The following SLC5A1 variants were observed in gnomAD, a reference collection of about 807,000 sequenced individuals.
SLC5A1 encodes solute carrier family 5 member 1, also known as sodium/glucose cotransporter 1.
In SLC5A1, 42 loss-of-function variants were observed where a neutral mutation model predicts 73.5. The observed-to-expected ratio is 0.57, with a 90% CI of 0.45 to 0.74. SLC5A1 has a LOEUF of 0.74. Ranked by LOEUF, SLC5A1 falls within the 30% of genes least tolerant of loss-of-function variation. The pLI is 0.00. For synonymous variants in SLC5A1, 300 were observed against 317.4 expected (o/e 0.95, Z 0.58); for missense variants, 634 against 855.4 (o/e 0.74, Z 3.23).
At position 32,110,137 on chromosome 22, in the gene SLC5A1, TG is replaced by T; in HGVS notation, c.1920del (p.Leu640PhefsTer6). The T allele has an allele frequency of 6.2e-7, 1 of 1,614,174 alleles. No homozygotes were observed. The highest frequency in any genetic ancestry group is 8.5e-7 in the Non-Finnish European group (1 of 1,180,008). On this transcript the variant is annotated frameshift_variant, in exon 15 of 15. Transcript: ENST00000266088. LOFTEE classifies it high-confidence loss of function. ...MKMTDTSEKP[L>X]WRTVLNVNGI... ...ATGACGGACACCTCTGAGAAGCCTTTGTGGAGGACAGTGTTGAACGTCAATG... is the reference window on the plus strand; with the variant it reads ...ATGACGGACACCTCTGAGAAGCCTTTTGGAGGACAGTGTTGAACGTCAATG...
chr22:32,096,972 C>T (rs931973680), intron 11 of SLC5A1, among the ~76,000 whole-genome samples: 4 of 152,200 alleles, frequency 2.6e-5, no homozygotes, highest in Admixed American at 6.5e-5. Flanking sequence ...TTACTCTGAA[C>T]CATAGAAAGT....
intron 13 of SLC5A1, among the ~76,000 whole-genome samples, chr22:32,102,940 T>G (rs2094039038): frequency 6.6e-6 from 1 of 152,204 alleles, no homozygotes; most frequent in South Asian, 2.1e-4. Flanking sequence ...CTACTGTATA[T>G]TTGTACAATA....
intron 2 of SLC5A1, among the ~76,000 whole-genome samples, chr22:32,051,233 A>G (rs1480895528): frequency 1.3e-5 from 2 of 152,214 alleles, no homozygotes; most frequent in Non-Finnish European, 2.9e-5. Flanking sequence ...CTGCACAAGG[A>G]GCCACAGGAT....
intron 12 of SLC5A1, among the ~76,000 whole-genome samples, chr22:32,101,152 G>A (rs2094035619): frequency 6.6e-6 from 1 of 152,122 alleles, no homozygotes; most frequent in Admixed American, 6.6e-5. Flanking sequence ...GAAAGTGCAG[G>A]GATACCAATG....
rs779502629 is a variant in SLC5A1, at chr22:32,084,573, C to T, written c.799C>T (p.Arg267Ter). 2.5e-5 allele frequency: 41 copies of T among 1,614,124 alleles called. No individual in the cohort carries two copies. The highest frequency in any genetic ancestry group is 2.9e-5 in the Non-Finnish European group (34 of 1,180,042). The change falls in exon 8 of 15, where the codon CGA becomes TGA. Residue 267 changes from arginine to a stop codon, truncating the protein, a stop_gained. Coordinates refer to ENST00000266088, the MANE Select transcript of SLC5A1 (RefSeq NM_000343.4). LOFTEE classifies it high-confidence loss of function. Reference sequence around the variant, plus strand: ...AAGGGCCGACTCCTTCCACATCTTCCGAGATCCCCTCACGGGAGACCTCCC... The same window carrying T: ...AAGGGCCGACTCCTTCCACATCTTCTGAGATCCCCTCACGGGAGACCTCCC... ...TPRADSFHIF[R>*]DPLTGDLPWP...
intron 5 of SLC5A1, 112 bp downstream of exon 5, chr22:32,068,712 T>G: frequency 3.9e-6 from 3 of 764,276 alleles, no homozygotes; most frequent in Non-Finnish European, 4.6e-6. Flanking sequence ...ACTTGGCCCC[T>G]TAAGCCTTCT....
At chr22:32,074,391 G>T (rs901928221) in intron 5 of SLC5A1, among the ~76,000 whole-genome samples, 1 of 152,164 alleles carries the variant, frequency 6.6e-6, no homozygotes, top group Non-Finnish European at 1.5e-5. Flanking sequence ...GCCCATCCCC[G>T]AGGAGCCCGC....
In SLC5A1 at chr22:32,110,818, A is replaced by G. The variant is rs2094055504; in HGVS notation, c.*605A>G. ...CCTGAGGAAGGTAGTACTTCCACAA[A>G]AGGGAGGGACCCGGGCCCCAGCCTC... On this transcript the variant is annotated 3_prime_UTR_variant, in exon 15 of 15. Transcript: ENST00000266088. 1 of 156,348 alleles carries G rather than the reference A, an allele frequency of 6.4e-6. No homozygotes were observed. The highest frequency in any genetic ancestry group is 6.1e-5 in the Admixed American group (1 of 16,408). 9.7% of individuals were successfully genotyped at this position (156,348 alleles called of 1,614,324 possible).
intron 11 of SLC5A1, among the ~76,000 whole-genome samples, chr22:32,096,340 A>G (rs533062628): frequency 2.0e-4 from 31 of 152,302 alleles, no homozygotes; most frequent in African/African-American, 7.5e-4. Context: ...AAATCCAAAC[A>G]GTCTGGACAG....
At chr22:32,100,343 G>C (rs1017403413) in intron 12 of SLC5A1, among the ~76,000 whole-genome samples, 13 of 152,084 alleles carry the variant, frequency 8.5e-5, no homozygotes, top group Non-Finnish European at 1.6e-4. Context: ...TTGCCTAACT[G>C]CGCTGTCTAG....
At chr22:32,104,154 T>A (rs2094041013) in intron 13 of SLC5A1, among the ~76,000 whole-genome samples, 1 of 152,260 alleles carries the variant, frequency 6.6e-6, no homozygotes, top group Non-Finnish European at 1.5e-5. Flanking sequence ...GCAGCAGAAC[T>A]GAATCACATC....
At chr22:32,100,313 A>G (rs1299555644) in intron 12 of SLC5A1, among the ~76,000 whole-genome samples, 1 of 152,190 alleles carries the variant, frequency 6.6e-6, no homozygotes, top group African/African-American at 2.4e-5. Context: ...TTCTTTTCCA[A>G]TTTGGATGCC....
intron 1 of SLC5A1, among the ~76,000 whole-genome samples, chr22:32,044,416 G>A (rs999246358): frequency 6.6e-6 from 1 of 152,220 alleles, no homozygotes; most frequent in Admixed American, 6.5e-5. Flanking sequence ...GGCTGCTGTA[G>A]CAGCTGGTGA....
intron 2 of SLC5A1, among the ~76,000 whole-genome samples, chr22:32,057,468 G>A (rs2093953614): frequency 6.6e-6 from 1 of 152,012 alleles, no homozygotes; most frequent in Admixed American, 6.6e-5. Context: ...GTCTCACTAT[G>A]TTGCCCAGGC....
rs33915717 is a variant in SLC5A1, at chr22:32,043,324, C to T, written c.43C>T (p.Arg15Trp). The T allele has an allele frequency of 2.5e-5, 41 of 1,614,194 alleles. No individual in the cohort carries two copies. The Middle Eastern group carries it at 4.9e-4, about 19-fold the overall frequency. The change falls in exon 1 of 15, where the codon CGG becomes TGG. Residue 15 changes from arginine to tryptophan, a missense_variant. Coordinates refer to ENST00000266088, the MANE Select transcript of SLC5A1 (RefSeq NM_000343.4). This position sits in a 1 kb window ranked among gnomAD's most constrained non-coding sequence, Gnocchi z 6.5. ...GAGCCCCAAGACCACCGCGGTCACC[C>T]GGCCTGTTGAGACCCACGAGCTCAT... The part of the protein sequence containing the change: ...TWSPKTTAVT[R>W]PVETHELIRN...
At chr22:32,089,863 C>A (rs2094014155) in intron 10 of SLC5A1, among the ~76,000 whole-genome samples, 1 of 152,140 alleles carries the variant, frequency 6.6e-6, no homozygotes, top group African/African-American at 2.4e-5. Context: ...CTTCTAGCCT[C>A]AGCAGGTGTC....
At chr22:32,096,058 G>A (rs2094025775) in intron 11 of SLC5A1, among the ~76,000 whole-genome samples, 1 of 152,092 alleles carries the variant, frequency 6.6e-6, no homozygotes, top group Non-Finnish European at 1.5e-5. Context: ...CCTTCAGAGG[G>A]TCTGTGGATC....
rs534072443 is a variant in SLC5A1 at position 32,065,647 on chromosome 22, C to T, written c.208-1288C>T. Among the ~76,000 whole-genome samples, 35 of 152,276 alleles carry T rather than the reference C, an allele frequency of 2.3e-4. No individual in the cohort carries two copies. The South Asian group carries it at 6.0e-3, about 26-fold the overall frequency. On this transcript the variant is annotated intron_variant, in intron 2 of 14. Coordinates refer to ENST00000266088, the MANE Select transcript of SLC5A1 (RefSeq NM_000343.4). ...TCACAGCTGTTATTAGTGCTTAACACGTGTAGTAGATGCTAAGTTAATATT... is the reference window on the plus strand; with the variant it reads ...TCACAGCTGTTATTAGTGCTTAACATGTGTAGTAGATGCTAAGTTAATATT...
chr22:32,108,265 T>C (rs1405050046), intron 14 of SLC5A1, among the ~76,000 whole-genome samples: 2 of 152,062 alleles, frequency 1.3e-5, no homozygotes, highest in Non-Finnish European at 2.9e-5. Flanking sequence ...CATGCCCTGC[T>C]AATTTTTTTG....
Sources: allele counts gnomAD v4.1 joint callset (sites outside exome capture counted in the v4.1 genomes callset), GRCh38; gene constraint gnomAD v4.1.1; non-coding constraint Gnocchi (gnomAD v3.1); transcripts MANE v1.5; gene names NCBI Gene and HGNC (gene_info 2026-07-23, HGNC 2026-07-21).